The following RAVER2 variants were observed in gnomAD, a reference collection of about 807,000 sequenced individuals.
RAVER2 encodes ribonucleoprotein PTB-binding 2.
Under a neutral mutation model 78.1 loss-of-function variants are expected in RAVER2, and 46 were observed. That is an observed-to-expected ratio of 0.59 (90% CI 0.46 to 0.75). The LOEUF is 0.75. RAVER2 is among the 30% of genes least tolerant of loss of function. RAVER2 has a pLI of 0.00. For synonymous variants in RAVER2, 311 were observed against 313.3 expected (o/e 0.99, Z 0.08); for missense variants, 793 against 837.5 (o/e 0.95, Z 0.66).
chr1:64,753,311 T>C (rs1651751225), intron 1 of RAVER2, among the ~76,000 whole-genome samples: 1 of 152,104 alleles, frequency 6.6e-6, no homozygotes, highest in Non-Finnish European at 1.5e-5. Context: ...CTGCTTGGCC[T>C]CCCAAACTGT....
intron 11 of RAVER2, among the ~76,000 whole-genome samples, chr1:64,820,411 TA>T (rs751911738): frequency 6.6e-6 from 1 of 152,246 alleles, no homozygotes; most frequent in East Asian, 1.9e-4. Context: ...TTTTAATATT[TA>T]AAAATTTTTA....
intron 4 of RAVER2, among the ~76,000 whole-genome samples, chr1:64,782,803 A>G (rs576489495): frequency 3.3e-5 from 5 of 152,146 alleles, no homozygotes; most frequent in Non-Finnish European, 7.4e-5. Flanking sequence ...ACATAGGTAT[A>G]CATGTGCCAT....
intron 5 of RAVER2, among the ~76,000 whole-genome samples, chr1:64,797,083 T>A (rs989728678): frequency 1.3e-5 from 2 of 152,210 alleles, no homozygotes; most frequent in Non-Finnish European, 2.9e-5. Flanking sequence ...TTTGTACAAT[T>A]TAAATTTATA....
chr1:64,789,464 T>C (rs1161354508), exon 5 of RAVER2: 7 of 1,609,846 alleles, frequency 4.3e-6, no homozygotes, highest in Non-Finnish European at 5.9e-6. Flanking sequence ...AACCCTGCCA[T>C]GTTGCAAGTT....
intron 2 of RAVER2, among the ~76,000 whole-genome samples, chr1:64,771,192 G>A (rs76460131): frequency 7.2e-5 from 11 of 151,796 alleles, no homozygotes; most frequent in Middle Eastern, 3.4e-3. Context: ...TACATTTAGC[G>A]GGACAAAGAT....
exon 12 of RAVER2, chr1:64,830,890 C>G (rs1457474075): frequency 6.2e-7 from 1 of 1,612,584 alleles, no homozygotes; most frequent in East Asian, 2.2e-5. Flanking sequence ...CATCTCTGCC[C>G]CAGAAGGTGG....
chr1:64,755,802 A>G (rs1651842045), intron 1 of RAVER2, among the ~76,000 whole-genome samples: 1 of 131,268 alleles, frequency 7.6e-6, no homozygotes, highest in Non-Finnish European at 1.5e-5. Flanking sequence ...AGAACATGTG[A>G]ATCTGGGAAG....
intron 11 of RAVER2, among the ~76,000 whole-genome samples, chr1:64,829,763 C>T (rs1248677221): frequency 1.3e-5 from 2 of 152,186 alleles, no homozygotes; most frequent in African/African-American, 4.8e-5. Context: ...GATTCTTTGC[C>T]CATCAGCTTC....
intron 5 of RAVER2, among the ~76,000 whole-genome samples, chr1:64,790,662 C>A (rs557079273): frequency 9.2e-5 from 14 of 152,108 alleles, no homozygotes; most frequent in Non-Finnish European, 1.5e-5. Flanking sequence ...TTGAACATAG[C>A]GTATATAAAT....
chr1:64,745,442 GC>G lies in RAVER2; in HGVS notation c.249+22del, dbSNP rs1273063900. On this transcript the variant is annotated intron_variant, in intron 1 of 11. Coordinates refer to ENST00000294428, the Ensembl canonical transcript of RAVER2. The surrounding 1 kb of genome is among the most constrained non-coding windows in gnomAD (Gnocchi z 4.3). ...GCCAGGTACTGGGACGGTGATAGGG[GC>G]GACGCGTCCCGAGGGGCGGCGGGGC... is the stretch of plus-strand genomic sequence containing the variant. 1 of 1,514,758 alleles carries G rather than the reference GC, an allele frequency of 6.6e-7. No individual in the cohort carries two copies. Among genetic ancestry groups the G allele is most frequent in the Non-Finnish European group, 8.9e-7 (1 of 1,125,408 alleles). The allele number at this position is 1,514,758 out of a possible 1,614,324, so 93.8% of individuals were successfully genotyped here.
chr1:64,798,373 G>T (rs375047360), intron 5 of RAVER2, among the ~76,000 whole-genome samples: 8,148 of 140,268 alleles, frequency 0.058, 257 homozygotes, highest in Non-Finnish European at 0.085. Context: ...GAATAATGCC[G>T]CAATAAACAT....
intron 11 of RAVER2, among the ~76,000 whole-genome samples, chr1:64,821,834 A>G (rs1653895457): frequency 6.6e-6 from 1 of 152,248 alleles, no homozygotes. Context: ...AACCTAGGCA[A>G]TACCATCCTG....
At chr1:64,781,498 T>C (rs760423950) in exon 4 of RAVER2, 1 of 1,614,020 alleles carries the variant, frequency 6.2e-7, no homozygotes, top group African/African-American at 1.3e-5. Context: ...GGCAGCAAAG[T>C]CCAGGTTTCC....
intron 1 of RAVER2, among the ~76,000 whole-genome samples, chr1:64,762,307 A>T (rs1652044250): frequency 6.6e-6 from 1 of 152,152 alleles, no homozygotes; most frequent in South Asian, 2.1e-4. Flanking sequence ...ACATTTGTGG[A>T]TTGGAAGACT....
Position 64,745,238 on chromosome 1 carries a change from G to A in RAVER2, c.66G>A (p.Leu22=), listed in dbSNP as rs1651490178. The change falls in exon 1 of 12, where the codon CTG becomes CTA. Residue 22 remains leucine, a synonymous_variant. Transcript: ENST00000294428. The surrounding 1 kb of genome is among the most constrained non-coding windows in gnomAD (Gnocchi z 4.3). ...CGGGCCTGGGCAGCGCGGCGGGGCT[G>A]GGGCCGGGGCCGGGGCTGCGCGGGC... The A allele has an allele frequency of 8.9e-7, 1 of 1,129,914 alleles. No homozygotes were observed. Among genetic ancestry groups the A allele is most frequent in the Non-Finnish European group, 1.1e-6 (1 of 920,224 alleles). 70.0% of individuals were successfully genotyped at this position (1,129,914 alleles called of 1,614,324 possible).
chr1:64,760,874 T>G (rs1652000493), intron 1 of RAVER2, among the ~76,000 whole-genome samples: 1 of 152,148 alleles, frequency 6.6e-6, no homozygotes. Context: ...TAGATTTTGT[T>G]TTTGTAATGG....
At chr1:64,757,759 A>G (rs935278607) in intron 1 of RAVER2, among the ~76,000 whole-genome samples, 37 of 152,280 alleles carry the variant, frequency 2.4e-4, no homozygotes, top group African/African-American at 8.7e-4. Context: ...AAGCTAGAGA[A>G]TATATAAATG....
chr1:64,827,717 T>G (rs1222375154), intron 11 of RAVER2, among the ~76,000 whole-genome samples: 1 of 152,230 alleles, frequency 6.6e-6, no homozygotes, highest in African/African-American at 2.4e-5. Context: ...ATGCTACATT[T>G]TAAATCAAGT....
At chr1:64,760,057 A>G (rs778693872) in intron 1 of RAVER2, among the ~76,000 whole-genome samples, 2 of 151,960 alleles carry the variant, frequency 1.3e-5, no homozygotes, top group Non-Finnish European at 2.9e-5. Flanking sequence ...TTATAAGCAT[A>G]TAAGCAGTTA....
Sources: allele counts gnomAD v4.1 joint callset (sites outside exome capture counted in the v4.1 genomes callset), GRCh38; gene constraint gnomAD v4.1.1; non-coding constraint Gnocchi (gnomAD v3.1); transcripts MANE v1.5; gene names NCBI Gene and HGNC (gene_info 2026-07-23, HGNC 2026-07-21).